OOSP3: variants seen among roughly 807,000 people sequenced by gnomAD.
OOSP3 encodes oocyte secreted protein family member 3, also known as oocyte-secreted protein 3.
chr11:59,883,065 C>A (rs1853218829), intron 2 of OOSP3, among the ~76,000 whole-genome samples: 3 of 151,958 alleles, frequency 2.0e-5, no homozygotes, highest in African/African-American at 7.3e-5. Context: ...GGGTAAATAC[C>A]TAGGACTGAA....
At chr11:59,890,409 T>C (rs73490957) in intron 2 of OOSP3, among the ~76,000 whole-genome samples, 6,296 of 152,296 alleles carry the variant, frequency 0.041, 420 homozygotes, top group African/African-American at 0.14. Flanking sequence ...TTGTAGTGGC[T>C]GATAATGGTT....
chr11:59,883,378 C>T (rs569045909), intron 2 of OOSP3, among the ~76,000 whole-genome samples: 3 of 152,286 alleles, frequency 2.0e-5, no homozygotes, highest in Non-Finnish European at 2.9e-5. Flanking sequence ...ATTTGGACAC[C>T]TGTTCATTGG....
Position 59,887,110 on chromosome 11 carries a change from G to GT in OOSP3, c.252+6681dup, listed in dbSNP as rs375297220. ...ACACCCCTTTGCCCACTTTTTAATGGTTTTTTTTTTGTTGTTTTTTTTTTT... is the reference window on the plus strand; with the variant it reads ...ACACCCCTTTGCCCACTTTTTAATGGTTTTTTTTTTTGTTGTTTTTTTTTTT... On this transcript the variant is annotated intron_variant, in intron 2 of 4. Transcript: ENST00000646438. Among the ~76,000 whole-genome samples the GT allele has an allele frequency of 1.2e-3, 179 of 145,190 alleles. 1 individual carries two copies. Among genetic ancestry groups the GT allele is most frequent in the South Asian group, 5.1e-3 (23 of 4,470 alleles).
chr11:59,880,586 C>A, intron 2 of OOSP3, 147 bp downstream of exon 2: 1 of 395,182 alleles, frequency 2.5e-6, no homozygotes, highest in East Asian at 3.6e-5. Flanking sequence ...CAGTGGGTAC[C>A]TTGACTTGGC....
chr11:59,894,794 A>G (rs2134533340), intron 3 of OOSP3, among the ~76,000 whole-genome samples: 1 of 152,330 alleles, frequency 6.6e-6, no homozygotes, highest in East Asian at 1.9e-4. Flanking sequence ...TAGCTAGGGA[A>G]TGGCAAGTCA....
rs60145654 is a variant in OOSP3 at position 59,884,475 on chromosome 11, GTCTCTCTCTCTCTC to G, written c.252+4068_252+4081del. 7.7e-3 allele frequency among the ~76,000 whole-genome samples: 878 copies of G among 113,874 alleles called. 3 individuals carry two copies. The highest frequency in any genetic ancestry group is 9.2e-3 in the Non-Finnish European group (523 of 56,994). 74.7% of individuals were successfully genotyped at this position (113,874 alleles called of 152,430 possible). A position where few individuals can be genotyped will look rare whatever the true frequency, so the allele number is the denominator to read the frequency against. ...TGTCTGTCTGTCTGTCTGTCTGTCT[GTCTCTCTCTCTCTC>G]TCTCTCTCTCTCTCTCTCTCTCTCT... On this transcript the variant is annotated intron_variant, in intron 2 of 4. Transcript: ENST00000646438.
intron 2 of OOSP3, among the ~76,000 whole-genome samples, chr11:59,893,088 C>T (rs1390073485): frequency 6.6e-6 from 1 of 152,106 alleles, no homozygotes; most frequent in Non-Finnish European, 1.5e-5. Context: ...ATCTATTTTC[C>T]ACACTTTACA....
chr11:59,894,264 T>C (rs1853337232), intron 3 of OOSP3, 88 bp downstream of exon 3: 1 of 396,196 alleles, frequency 2.5e-6, no homozygotes, highest in African/African-American at 2.1e-5. Context: ...TTTACATCAT[T>C]AGAACCCTAG....
At chr11:59,896,325 T>C (rs1853357385) in exon 5 of OOSP3, 1 of 395,334 alleles carries the variant, frequency 2.5e-6, no homozygotes, top group African/African-American at 2.1e-5. Flanking sequence ...TGAGAGGACA[T>C]TGGGTTGGGA....
intron 2 of OOSP3, among the ~76,000 whole-genome samples, chr11:59,891,174 T>C (rs1352987733): frequency 6.6e-6 from 1 of 152,230 alleles, no homozygotes; most frequent in Middle Eastern, 3.2e-3. Flanking sequence ...ACAGCTCTTG[T>C]AATCTTTTAT....
intron 2 of OOSP3, among the ~76,000 whole-genome samples, chr11:59,882,281 C>A (rs1357419585): frequency 6.6e-6 from 1 of 151,742 alleles, no homozygotes; most frequent in Non-Finnish European, 1.5e-5. Context: ...TTTTTCCCCC[C>A]TGTGGCATGA....
intron 2 of OOSP3, among the ~76,000 whole-genome samples, chr11:59,892,984 T>C (rs1008191214): frequency 1.3e-5 from 2 of 152,222 alleles, no homozygotes; most frequent in Admixed American, 1.3e-4. Context: ...TCTTATTGTT[T>C]TATGAAGAAG....
chr11:59,887,390 G>GTAT (rs1234645064), intron 2 of OOSP3, among the ~76,000 whole-genome samples: 2 of 152,210 alleles, frequency 1.3e-5, no homozygotes, highest in Admixed American at 1.3e-4. Flanking sequence ...GACCTGAATG[G>GTAT]TATTGCCTAG....
chr11:59,881,288 C>T (rs972996818), intron 2 of OOSP3, among the ~76,000 whole-genome samples: 2 of 151,860 alleles, frequency 1.3e-5, no homozygotes, highest in African/African-American at 4.8e-5. Context: ...TTGCTTGAAC[C>T]CGAGAGGTGG....
intron 2 of OOSP3, among the ~76,000 whole-genome samples, chr11:59,893,068 A>G (rs1439481922): frequency 6.6e-6 from 1 of 152,242 alleles, no homozygotes; most frequent in Non-Finnish European, 1.5e-5. Flanking sequence ...AGAAGTAAGG[A>G]GCATATAATA....
At chr11:59,887,581 A>C (rs1853274675) in intron 2 of OOSP3, among the ~76,000 whole-genome samples, 1 of 152,126 alleles carries the variant, frequency 6.6e-6, no homozygotes, top group Non-Finnish European at 1.5e-5. Flanking sequence ...TGTTTTTGTC[A>C]GGTTTGTCAA....
chr11:59,883,327 G>A (rs1565218680), intron 2 of OOSP3, among the ~76,000 whole-genome samples: 3 of 152,076 alleles, frequency 2.0e-5, no homozygotes, highest in South Asian at 2.1e-4. Context: ...ACACTGAAAC[G>A]CCAGAGTTGT....
chr11:59,882,478 C>A (rs1375585662), intron 2 of OOSP3, among the ~76,000 whole-genome samples: 5 of 152,058 alleles, frequency 3.3e-5, no homozygotes, highest in Admixed American at 1.3e-4. Flanking sequence ...AAATCAGATT[C>A]TTTGAGTTTT....
At chr11:59,895,702 A>G (rs1853350230) in intron 4 of OOSP3, 50 bp downstream of exon 4, 1 of 398,044 alleles carries the variant, frequency 2.5e-6, no homozygotes, top group Admixed American at 4.4e-5. Context: ...TGTAGAAATG[A>G]TCGTATTGAC....
Sources: gnomAD v4.1 joint callset for allele counts (sites outside exome capture counted in the v4.1 genomes callset) on GRCh38, gnomAD v4.1.1 for gene constraint, MANE v1.5 for transcripts, NCBI Gene and HGNC (gene_info 2026-07-23, HGNC 2026-07-21) for gene names.